The following PDS5A variants were observed in gnomAD, a reference collection of about 807,000 sequenced individuals.
PDS5A encodes the protein PDS5 cohesin associated factor A.
A neutral mutation model predicts 167.1 loss-of-function variants in PDS5A; 42 were observed. The ratio of observed to expected loss-of-function variants is 0.25; its 90% CI spans 0.20 to 0.33. The LOEUF (loss-of-function observed/expected upper bound fraction) is 0.33. Among genes scored for constraint, PDS5A ranks in the 10% least tolerant of loss-of-function variants. The probability of loss-of-function intolerance (pLI) is 1.00; values close to 1 mark genes in which losing one functional copy is unlikely to be tolerated. For synonymous variants in PDS5A, 553 were observed against 554.6 expected, an observed-to-expected ratio of 1.00 and a Z score of 0.04; for missense variants, 1,033 against 1,605.9, an observed-to-expected ratio of 0.64 and a Z score of 6.10.
intron 17 of PDS5A, among the ~76,000 whole-genome samples, chr4:39,882,691 T>A (rs1178338051): frequency 6.6e-6 from 1 of 152,236 alleles, no homozygotes; most frequent in East Asian, 1.9e-4. Flanking sequence ...ATCTCTGCTA[T>A]CATTGTAATG....
chr4:39,925,819 C>A lies in PDS5A; in HGVS notation c.527+17G>T. The A allele has an allele frequency of 9.8e-7, 1 of 1,017,682 alleles. No homozygotes were observed. Among genetic ancestry groups the A allele is most frequent in the Non-Finnish European group, 1.4e-6 (1 of 693,450 alleles). 63.0% of individuals were successfully genotyped at this position (1,017,682 alleles called of 1,614,324 possible). A position where few individuals can be genotyped will look rare whatever the true frequency, so the allele number is the denominator to read the frequency against. ...CAAGAAAAAGAGACAAACAGAAATG[C>A]TTAAAAAATAACTTACTTGATCACT... On this transcript the variant is annotated intron_variant, in intron 5 of 32. Transcript: ENST00000303538.
intron 7 of PDS5A, among the ~76,000 whole-genome samples, chr4:39,918,275 T>C (rs1365653412): frequency 1.3e-5 from 2 of 151,920 alleles, no homozygotes; most frequent in Non-Finnish European, 2.9e-5. Flanking sequence ...TGTTGGGTTG[T>C]TTCTTTTAAT....
At chr4:39,944,178 C>CAAAA (rs60344531) in intron 2 of PDS5A, among the ~76,000 whole-genome samples, 28 of 88,214 alleles carry the variant, frequency 3.2e-4, no homozygotes, top group Non-Finnish European at 3.7e-4. Context: ...GACTCCGTCT[C>CAAAA]AAAAAAAAAA....
At chr4:39,895,825 C>T (rs896266628) in intron 16 of PDS5A, among the ~76,000 whole-genome samples, 1 of 152,002 alleles carries the variant, frequency 6.6e-6, no homozygotes, top group Non-Finnish European at 1.5e-5. Flanking sequence ...TCACACCATT[C>T]TCCTGCCTCA....
intron 21 of PDS5A, among the ~76,000 whole-genome samples, chr4:39,870,556 C>T (rs907376289): frequency 2.0e-5 from 3 of 151,728 alleles, no homozygotes; most frequent in Non-Finnish European, 4.4e-5. Flanking sequence ...CTAGTGCACC[C>T]CAGCCTGGGT....
intron 2 of PDS5A, among the ~76,000 whole-genome samples, chr4:39,928,432 T>A (rs977582047): frequency 6.6e-6 from 1 of 152,264 alleles, no homozygotes; most frequent in East Asian, 1.9e-4. Flanking sequence ...TTAAGCCTCT[T>A]ATTATTCATT....
chr4:39,894,039 T>G (rs990969359), intron 16 of PDS5A, among the ~76,000 whole-genome samples: 3 of 152,234 alleles, frequency 2.0e-5, no homozygotes, highest in African/African-American at 7.2e-5. Context: ...GACACAGTAC[T>G]CTGGAACTAG....
intron 2 of PDS5A, among the ~76,000 whole-genome samples, chr4:39,945,917 G>A (rs1276591768): frequency 6.6e-6 from 1 of 152,040 alleles, no homozygotes; most frequent in African/African-American, 2.4e-5. Flanking sequence ...AGAAAAAAAA[G>A]CAGGACAGGC....
chr4:39,937,200 C>T (rs1448888056), intron 2 of PDS5A, among the ~76,000 whole-genome samples: 1 of 152,046 alleles, frequency 6.6e-6, no homozygotes, highest in African/African-American at 2.4e-5. Flanking sequence ...TTTAAGTGAC[C>T]AGCCCCATCC....
rs755245778 is a variant in PDS5A at position 39,902,424 on chromosome 4, G to C, written c.1422C>G (p.Val474=). The change falls in exon 13 of 33, where the codon GTC becomes GTG. Residue 474 remains valine (V), a synonymous_variant. Coordinates refer to ENST00000303538, the MANE Select transcript of PDS5A (RefSeq NM_001100399.2). ...TCTCTTCTGTTTCCAGGTTGTGGGGGACAAGATACTGAGCAAAGATTTTCT... is the reference window on the plus strand; with the variant it reads ...TCTCTTCTGTTTCCAGGTTGTGGGGCACAAGATACTGAGCAAAGATTTTCT... ...LVEKIFAQYL[V]PHNLETEERM... is the part of the protein sequence containing the mutation. The C allele has an allele frequency of 2.0e-5, 32 of 1,585,884 alleles. No individual in the cohort carries two copies. Among genetic ancestry groups the C allele is most frequent in the Non-Finnish European group, 2.8e-5 (32 of 1,160,702 alleles).
intron 21 of PDS5A, among the ~76,000 whole-genome samples, chr4:39,871,521 G>A (rs1188395626): frequency 6.6e-6 from 1 of 152,174 alleles, no homozygotes; most frequent in Non-Finnish European, 1.5e-5. Flanking sequence ...GTGTCTTTAA[G>A]TTCCTGATAC....
At chr4:39,902,513 TAAGAAGCAA>T in intron 12 of PDS5A, 53 bp from the exon 13 acceptor site, 2 of 918,670 alleles carry the variant, frequency 2.2e-6, no homozygotes, top group East Asian at 5.0e-5. Context: ...ATTCCATTTT[TAAGAAGCAA>T]TTTTTTTTTT....
intron 2 of PDS5A, among the ~76,000 whole-genome samples, chr4:39,971,146 G>GTT (rs1578854066): frequency 6.6e-6 from 1 of 150,904 alleles, no homozygotes; most frequent in South Asian, 2.1e-4. Flanking sequence ...CCTTTAAGAT[G>GTT]TTTTTTGTTT....
chr4:39,856,467 A>G (rs971383051), intron 26 of PDS5A, among the ~76,000 whole-genome samples: 4 of 152,346 alleles, frequency 2.6e-5, no homozygotes, highest in Middle Eastern at 3.4e-3. Context: ...GGTACATTTA[A>G]AAGACAGTAT....
At chr4:39,900,594 T>C (rs1390518857) in intron 13 of PDS5A, 87 bp from the exon 14 acceptor site, 1 of 790,452 alleles carries the variant, frequency 1.3e-6, no homozygotes, top group Non-Finnish European at 2.2e-6. Context: ...GCATGCTGTA[T>C]ATACACCATT....
In PDS5A at chr4:39,954,773, C is replaced by T. The variant is rs115159978; in HGVS notation, c.138+21667G>A. ...ATAACTATGAGGCCAGGCAGAGAGC[C>T]TCATGCCTGTTAATAGGCATGAACA... On this transcript the variant is annotated intron_variant, in intron 2 of 32. Coordinates refer to ENST00000303538, the MANE Select transcript of PDS5A (RefSeq NM_001100399.2). Among the ~76,000 whole-genome samples, 1,423 of 151,664 alleles carry T rather than the reference C, an allele frequency of 9.4e-3. 23 individuals carry two copies. Among genetic ancestry groups the T allele is most frequent in the African/African-American group, 0.032 (1,334 of 41,284 alleles).
intron 21 of PDS5A, among the ~76,000 whole-genome samples, chr4:39,869,854 C>G (rs1719869501): frequency 6.6e-6 from 1 of 152,166 alleles, no homozygotes; most frequent in Admixed American, 6.6e-5. Context: ...AGCCTGTAAT[C>G]CCAGCACTAT....
chr4:39,939,660 G>T (rs977528857), intron 2 of PDS5A, among the ~76,000 whole-genome samples: 12 of 151,972 alleles, frequency 7.9e-5, no homozygotes, highest in South Asian at 6.3e-4. Flanking sequence ...CAGGCATGGT[G>T]GCACACGCCT....
intron 16 of PDS5A, 112 bp from the exon 17 acceptor site, chr4:39,890,476 T>C (rs1183610317): frequency 1.1e-5 from 7 of 658,022 alleles, no homozygotes; most frequent in Admixed American, 2.6e-5. Context: ...TTAAGAATTG[T>C]CTGCTCTAGA....
Sources: gnomAD v4.1 joint callset for allele counts (sites outside exome capture counted in the v4.1 genomes callset) on GRCh38, gnomAD v4.1.1 for gene constraint, MANE v1.5 for transcripts, NCBI Gene and HGNC (gene_info 2026-07-23, HGNC 2026-07-21) for gene names.